PRSS23: variants seen among roughly 807,000 people sequenced by gnomAD.
PRSS23 encodes the protein protease, serine 23.
PRSS23 carries 25 observed loss-of-function variants against 34.7 expected under a neutral mutation model. The ratio of observed to expected loss-of-function variants is 0.72; its 90% confidence interval spans 0.53 to 1.01. PRSS23 has a LOEUF of 1.01. Among genes scored for constraint, PRSS23 ranks in the 50% least tolerant of loss-of-function variants. PRSS23 has a pLI of 0.00. For missense variants in PRSS23, 445 were observed against 475.6 expected (o/e 0.94, Z 0.60); for synonymous variants, 176 against 186.6 (o/e 0.94, Z 0.46).
Position 86,808,685 on chromosome 11 carries a change from A to C in PRSS23, c.1042A>C (p.Met348Leu), listed in dbSNP as rs146058793. 88 of 1,614,182 alleles carry C rather than the reference A, an allele frequency of 5.5e-5. No individual in the cohort carries two copies. The African/African-American group carries it at 9.1e-4, about 17-fold the overall frequency. ...TTTTTCAGGGCACCAGTGGGTGGAC[A>C]TGAATGGTTCCCCACAGGATTTCAA... ...GIFSGHQWVD[M>L]NGSPQDFNVA... The change falls in exon 2 of 2, where the codon ATG becomes CTG. Residue 348 changes from methionine to leucine, a missense_variant. Coordinates refer to ENST00000280258, the MANE Select transcript of PRSS23 (RefSeq NM_007173.6).
chr11:86,863,379 C>T (rs1344654805), intron 2 of PRSS23, among the ~76,000 whole-genome samples: 1 of 151,098 alleles, frequency 6.6e-6, no homozygotes, highest in Admixed American at 6.6e-5. Context: ...AGAACTTCAG[C>T]TTTAAACATT....
chr11:86,918,748 AC>A (rs1357430791), intron 2 of PRSS23, among the ~76,000 whole-genome samples: 1 of 152,260 alleles, frequency 6.6e-6, no homozygotes, highest in Non-Finnish European at 1.5e-5. Flanking sequence ...CATTATGCTA[AC>A]AGCAGTTATT....
At chr11:86,899,027 A>G (rs1565380677) in intron 2 of PRSS23, among the ~76,000 whole-genome samples, 1 of 152,172 alleles carries the variant, frequency 6.6e-6, no homozygotes, top group African/African-American at 2.4e-5. Context: ...TGTATGTGCA[A>G]GTCTCAGCTG....
rs376513904 is a variant in PRSS23 at position 86,810,845 on chromosome 11, A to T, written c.*2050A>T. 6.0e-6 allele frequency: 1 copy of T among 167,182 alleles called. No homozygotes were observed. 10.4% of individuals were successfully genotyped at this position (167,182 alleles called of 1,614,324 possible). ...TAAAAGAAAATTATAAAATAATTCAACATGTCCATCTTTTTAGTGATAATA... is the reference window on the plus strand; with the variant it reads ...TAAAAGAAAATTATAAAATAATTCATCATGTCCATCTTTTTAGTGATAATA... On this transcript the variant is annotated 3_prime_UTR_variant, in exon 2 of 2. Coordinates refer to ENST00000280258, the MANE Select transcript of PRSS23 (RefSeq NM_007173.6).
At chr11:86,813,368 C>A (rs1014440868), downstream of PRSS23, among the ~76,000 whole-genome samples, 2 of 152,146 alleles carry the variant, frequency 1.3e-5, no homozygotes, top group African/African-American at 4.8e-5. Flanking sequence ...GGGCCCCTGG[C>A]AGTATCAAAT....
chr11:86,823,544 C>G (rs1318907725), exon 2 of PRSS23: 3 of 702,570 alleles, frequency 4.3e-6, no homozygotes, highest in Admixed American at 4.0e-5. Flanking sequence ...GACACCAGGA[C>G]AGAAAAGACA....
At chr11:86,804,371 A>G (rs1948075243) in intron 1 of PRSS23, among the ~76,000 whole-genome samples, 2 of 152,236 alleles carry the variant, frequency 1.3e-5, no homozygotes, top group African/African-American at 4.8e-5. Flanking sequence ...ACTTTTTTAA[A>G]TGCAATTTTA....
At chr11:86,838,345 G>A (rs920901262) in intron 2 of PRSS23, among the ~76,000 whole-genome samples, 2 of 152,118 alleles carry the variant, frequency 1.3e-5, no homozygotes, top group Non-Finnish European at 2.9e-5. Flanking sequence ...CCACAGCCAC[G>A]GAGACTTGCT....
At chr11:86,815,929 G>A (rs777474054), downstream of PRSS23, among the ~76,000 whole-genome samples, 2 of 152,016 alleles carry the variant, frequency 1.3e-5, no homozygotes, top group Non-Finnish European at 2.9e-5. Context: ...CTCCCAGCTC[G>A]CCCACACCTG....
intron 2 of PRSS23, among the ~76,000 whole-genome samples, chr11:86,849,996 G>T (rs1948516954): frequency 6.6e-6 from 1 of 152,242 alleles, no homozygotes; most frequent in South Asian, 2.1e-4. Context: ...TTACTGAAAA[G>T]GTCAAAGAAA....
intron 1 of PRSS23, chr11:86,821,811 G>A: frequency 1.4e-6 from 1 of 737,012 alleles, no homozygotes; most frequent in Non-Finnish European, 2.2e-6. Context: ...CCTCCGCCAT[G>A]ACCATAGTGT....
chr11:86,929,631 AAAT>A (rs1949110415), intron 2 of PRSS23, among the ~76,000 whole-genome samples: 2 of 152,238 alleles, frequency 1.3e-5, no homozygotes, highest in African/African-American at 2.4e-5. Flanking sequence ...TCCGTCTCAA[AAAT>A]AATAATAATT....
Position 86,885,781 on chromosome 11 carries a change from T to C in PRSS23, c.206+62188T>C, listed in dbSNP as rs1468505596. The stretch of plus-strand genomic sequence containing the variant: ...TCTCTCTTTATAAATTCACACATCC[T>C]ATCTTATTGGTCCTGTTGCTCTGGA... On this transcript the variant is annotated intron_variant, in intron 2 of 2. Transcript: ENST00000533902. Among the ~76,000 whole-genome samples, 5 of 152,228 alleles carry C rather than the reference T, an allele frequency of 3.3e-5. No homozygotes were observed. In the East Asian group the frequency reaches 9.6e-4, roughly 29 times the overall value.
intron 2 of PRSS23, among the ~76,000 whole-genome samples, chr11:86,877,589 GAA>G (rs1354399245): frequency 2.0e-5 from 3 of 152,032 alleles, no homozygotes; most frequent in Admixed American, 1.3e-4. Flanking sequence ...ACTATTTGTT[GAA>G]AAGACTATTC....
intron 2 of PRSS23, among the ~76,000 whole-genome samples, chr11:86,858,388 G>A (rs1018158827): frequency 6.6e-6 from 1 of 151,876 alleles, no homozygotes; most frequent in African/African-American, 2.4e-5. Context: ...GGAGGGAGAG[G>A]ATGTTATTAC....
intron 2 of PRSS23, among the ~76,000 whole-genome samples, chr11:86,826,950 T>A (rs568128016): frequency 6.6e-6 from 1 of 152,290 alleles, no homozygotes; most frequent in Admixed American, 6.5e-5. Context: ...TGGTCTAAAA[T>A]TCTCTTTTTT....
In PRSS23 at chr11:86,808,162, T is replaced by G. The variant is rs1410451353; in HGVS notation, c.519T>G (p.Ala173=). ...TGGCAGAGAAGCATGTCCTCACAGC[T>G]GCCCACTGCATACACGATGGAAAAA... ...TLVAEKHVLT[A]AHCIHDGKTY... is the part of the protein sequence containing the mutation. Residue 173 remains alanine, a synonymous_variant, in exon 2 of 2, where the codon GCT becomes GCG. Transcript: ENST00000280258. 1 of 1,614,190 alleles carries G rather than the reference T, an allele frequency of 6.2e-7. No individual in the cohort carries two copies. The highest frequency in any genetic ancestry group is 1.1e-5 in the South Asian group (1 of 91,084).
At chr11:86,882,782 T>C (rs1200528432) in intron 2 of PRSS23, among the ~76,000 whole-genome samples, 1 of 152,232 alleles carries the variant, frequency 6.6e-6, no homozygotes, top group Non-Finnish European at 1.5e-5. Context: ...CGCCACATTG[T>C]CTTCCACAAT....
intron 2 of PRSS23, among the ~76,000 whole-genome samples, chr11:86,848,511 A>G (rs935280481): frequency 6.6e-6 from 1 of 152,200 alleles, no homozygotes; most frequent in Non-Finnish European, 1.5e-5. Context: ...GAACTACTCA[A>G]TGCTATCCAC....
Sources: allele counts gnomAD v4.1 joint callset (sites outside exome capture counted in the v4.1 genomes callset), GRCh38; gene constraint gnomAD v4.1.1; transcripts MANE v1.5; gene names NCBI Gene and HGNC (gene_info 2026-07-23, HGNC 2026-07-21).